The following BNC2 variants were observed in gnomAD, a reference collection of about 807,000 sequenced individuals.
BNC2 encodes zinc finger protein basonuclin-2.
BNC2 carries 20 observed loss-of-function variants against 76.3 expected under a neutral mutation model. The observed-to-expected ratio is 0.26, with a 90% CI of 0.18 to 0.38. BNC2 has a LOEUF of 0.38. Among genes scored for constraint, BNC2 ranks in the 10% least tolerant of loss-of-function variants. The probability of loss-of-function intolerance (pLI) is 1.00; values close to 1 mark genes in which losing one functional copy is unlikely to be tolerated. For synonymous variants in BNC2, 582 were observed against 514.8 expected (o/e 1.13, Z -1.77); for missense variants, 1,382 against 1,399.8 (o/e 0.99, Z 0.20).
At chr9:16,812,661 A>T (rs755102874) in intron 1 of BNC2, among the ~76,000 whole-genome samples, 3 of 152,238 alleles carry the variant, frequency 2.0e-5, no homozygotes, top group Non-Finnish European at 4.4e-5. Flanking sequence ...AATAAAATAG[A>T]TATTTCTCAT....
chr9:16,722,922 C>G (rs1587352878), intron 3 of BNC2, among the ~76,000 whole-genome samples: 1 of 152,100 alleles, frequency 6.6e-6, no homozygotes, highest in Non-Finnish European at 1.5e-5. Context: ...CAATTTGTAT[C>G]TTAACAAATA....
At chr9:16,852,260 T>A (rs997510116) in intron 1 of BNC2, among the ~76,000 whole-genome samples, 28 of 152,110 alleles carry the variant, frequency 1.8e-4, no homozygotes, top group African/African-American at 6.5e-4. Context: ...ACAAGATAAA[T>A]CAAATTTCTA....
rs1035400315 is a variant in BNC2, at chr9:16,774,740, C to T, written c.4-36255G>A. Among the ~76,000 whole-genome samples the T allele has an allele frequency of 2.6e-5, 4 of 152,240 alleles. 1 individual carries two copies. Among genetic ancestry groups the T allele is most frequent in the East Asian group, 3.9e-4 (2 of 5,178 alleles). On this transcript the variant is annotated intron_variant, in intron 1 of 6. Coordinates refer to ENST00000380672, the MANE Select transcript of BNC2 (RefSeq NM_017637.6). ...GGGTCCAGAGAGATCTGGTAGCAGT[C>T]GCCATTTTTCTACAAAAAAACTAAG...
At chr9:16,799,101 T>C (rs1817723381) in intron 1 of BNC2, among the ~76,000 whole-genome samples, 1 of 152,152 alleles carries the variant, frequency 6.6e-6, no homozygotes, top group Non-Finnish European at 1.5e-5. Context: ...CAAAATCAGT[T>C]ATAATGCACA....
chr9:16,558,165 G>A (rs77809209), intron 4 of BNC2, among the ~76,000 whole-genome samples: 4,120 of 152,162 alleles, frequency 0.027, 131 homozygotes, highest in South Asian at 0.17. Flanking sequence ...GTATTTCATA[G>A]AACTGAATAC....
intron 3 of BNC2, among the ~76,000 whole-genome samples, chr9:16,638,304 CATCAACA>C (rs1467634307): frequency 6.6e-6 from 1 of 152,140 alleles, no homozygotes; most frequent in Non-Finnish European, 1.5e-5. Flanking sequence ...GCAAACTTTT[CATCAACA>C]AAGTTGTTTC....
Position 16,580,197 on chromosome 9 carries a change from A to G in BNC2, c.433+2786T>C, listed in dbSNP as rs1819594951. 1.0e-5 allele frequency: 4 copies of G among 398,308 alleles called. No individual in the cohort carries two copies. In the Admixed American group the frequency reaches 1.3e-4, roughly 13 times the overall value. 24.7% of individuals were successfully genotyped at this position (398,308 alleles called of 1,614,324 possible). A position where few individuals can be genotyped will look rare whatever the true frequency, so the allele number is the denominator to read the frequency against. ...CAATTAGTTGTAATGCTAGGGGCAA[A>G]AAGAGTGGGTGCTGTCATCCCACTG... On this transcript the variant is annotated intron_variant, in intron 4 of 6. Transcript: ENST00000380672.
chr9:16,487,074 T>C (rs1375005376), intron 5 of BNC2, among the ~76,000 whole-genome samples: 1 of 152,238 alleles, frequency 6.6e-6, no homozygotes, highest in Non-Finnish European at 1.5e-5. Flanking sequence ...ACACTTTCTA[T>C]ATTCCCCTTT....
chr9:16,637,616 T>A (rs1246834120), intron 3 of BNC2, among the ~76,000 whole-genome samples: 1 of 152,038 alleles, frequency 6.6e-6, no homozygotes, highest in African/African-American at 2.4e-5. Flanking sequence ...AATATTTATT[T>A]AAAAAAAAGC....
chr9:16,692,090 C>T (rs534207613), intron 3 of BNC2, among the ~76,000 whole-genome samples: 38 of 152,186 alleles, frequency 2.5e-4, no homozygotes, highest in African/African-American at 8.2e-4. Flanking sequence ...GGATTACAGG[C>T]GTGAGCCACT....
At chr9:16,870,046 G>A (rs1819638644) in intron 1 of BNC2, among the ~76,000 whole-genome samples, 1 of 152,140 alleles carries the variant, frequency 6.6e-6, no homozygotes, top group Non-Finnish European at 1.5e-5. Context: ...TCTCCGTAAA[G>A]CCTGCGGGAG....
intron 5 of BNC2, among the ~76,000 whole-genome samples, chr9:16,547,311 C>G (rs1279287951): frequency 6.6e-6 from 1 of 152,202 alleles, no homozygotes; most frequent in Non-Finnish European, 1.5e-5. Context: ...CTCAACAGCC[C>G]AGCTGCTGCT....
rs1820593010 is a variant in BNC2, at chr9:16,416,794, A to G, written c.*2195T>C. On this transcript the variant is annotated 3_prime_UTR_variant, in exon 7 of 7. Coordinates refer to ENST00000380672, the MANE Select transcript of BNC2 (RefSeq NM_017637.6). Reference sequence around the variant, plus strand: ...ATCTATTGTTTCTGAAATTTTCACAACAAAAATACTGAATCCCCAACTAAT... The same window carrying G: ...ATCTATTGTTTCTGAAATTTTCACAGCAAAAATACTGAATCCCCAACTAAT... The G allele has an allele frequency of 2.0e-5, 3 of 152,666 alleles. No individual in the cohort carries two copies. Among genetic ancestry groups the G allele is most frequent in the Admixed American group, 1.3e-4 (2 of 15,282 alleles). The allele number at this position is 152,666 out of a possible 1,614,324, so 9.5% of individuals were successfully genotyped here.
intron 1 of BNC2, among the ~76,000 whole-genome samples, chr9:16,858,552 T>G (rs1819319011): frequency 6.6e-6 from 1 of 152,090 alleles, no homozygotes; most frequent in South Asian, 2.1e-4. Context: ...GAATCAAACT[T>G]AGAAACTTCT....
At chr9:16,808,070 TTA>T (rs1358493681) in intron 1 of BNC2, among the ~76,000 whole-genome samples, 2 of 152,152 alleles carry the variant, frequency 1.3e-5, no homozygotes, top group African/African-American at 4.8e-5. Flanking sequence ...TATATGTTAA[TTA>T]TATGAGTATT....
chr9:16,701,606 C>T (rs1823515076), intron 3 of BNC2, among the ~76,000 whole-genome samples: 1 of 152,036 alleles, frequency 6.6e-6, no homozygotes, highest in African/African-American at 2.4e-5. Context: ...CTTTGGCAGG[C>T]TAAAAGAAGT....
chr9:16,632,180 G>A (rs1423046619), intron 3 of BNC2, among the ~76,000 whole-genome samples: 3 of 152,022 alleles, frequency 2.0e-5, no homozygotes, highest in Non-Finnish European at 2.9e-5. Flanking sequence ...GCATATGATG[G>A]TAGGAACTAT....
intron 1 of BNC2, among the ~76,000 whole-genome samples, chr9:16,757,398 C>A (rs1169258593): frequency 6.6e-6 from 1 of 152,188 alleles, no homozygotes; most frequent in Non-Finnish European, 1.5e-5. Flanking sequence ...CCATCAGTGT[C>A]CAGCTTATCA....
intron 3 of BNC2, among the ~76,000 whole-genome samples, chr9:16,593,403 G>C (rs889260809): frequency 9.9e-5 from 15 of 151,898 alleles, no homozygotes; most frequent in African/African-American, 2.7e-4. Flanking sequence ...ACTATCAATC[G>C]ATATAAGAAA....
Sources: gnomAD v4.1 joint callset for allele counts (sites outside exome capture counted in the v4.1 genomes callset) on GRCh38, gnomAD v4.1.1 for gene constraint, MANE v1.5 for transcripts, NCBI Gene and HGNC (gene_info 2026-07-23, HGNC 2026-07-21) for gene names.